CADM1: variants seen among roughly 807,000 people sequenced by gnomAD.
CADM1 encodes the protein TSLC-1.
In CADM1, 15 loss-of-function variants were observed where a neutral mutation model predicts 53.1. The observed-to-expected ratio is 0.28, with a 90% confidence interval of 0.19 to 0.44. The LOEUF is 0.44. CADM1 is among the 20% of genes least tolerant of loss of function. CADM1 has a pLI of 1.00. For synonymous variants in CADM1, 281 were observed against 243.0 expected (o/e 1.16, Z -1.45); for missense variants, 434 against 611.3 (o/e 0.71, Z 3.06).
At chr11:115,316,066 T>C (rs1944659815) in intron 1 of CADM1, among the ~76,000 whole-genome samples, 1 of 152,098 alleles carries the variant, frequency 6.6e-6, no homozygotes, top group Non-Finnish European at 1.5e-5. Flanking sequence ...CCAAATAATT[T>C]GGCCAGCCAT....
At chr11:115,317,082 G>A (rs1048745279) in intron 1 of CADM1, among the ~76,000 whole-genome samples, 2 of 152,092 alleles carry the variant, frequency 1.3e-5, no homozygotes, top group Admixed American at 6.6e-5. Context: ...TTAAGAAGGC[G>A]GAAAAAACGG....
chr11:115,291,737 T>G (rs922229943), intron 1 of CADM1, among the ~76,000 whole-genome samples: 2 of 152,206 alleles, frequency 1.3e-5, no homozygotes, highest in African/African-American at 2.4e-5. Context: ...CACTTGGGCC[T>G]GCAAGAGAAT....
In CADM1 at chr11:115,338,984, C is replaced by T. The variant is rs1364325024; in HGVS notation, c.125-98564G>A. Among the ~76,000 whole-genome samples, 5 of 142,576 alleles carry T rather than the reference C, an allele frequency of 3.5e-5. 1 individual carries two copies. The highest frequency in any genetic ancestry group is 4.1e-4 in the East Asian group (2 of 4,876). The allele number at this position is 142,576 out of a possible 152,430, so 93.5% of individuals were successfully genotyped here. Reference sequence around the variant, plus strand: ...TATGTATACATGTGCCATGCCGGTGCGCTGCACCCACTAACGTGTCATCTA... The same window carrying T: ...TATGTATACATGTGCCATGCCGGTGTGCTGCACCCACTAACGTGTCATCTA... On this transcript the variant is annotated intron_variant, in intron 1 of 11. Transcript: ENST00000331581.
At chr11:115,428,787 GT>G (rs1947965185) in intron 1 of CADM1, among the ~76,000 whole-genome samples, 1 of 152,060 alleles carries the variant, frequency 6.6e-6, no homozygotes, top group Admixed American at 6.6e-5. Flanking sequence ...GTGCGTGTGT[GT>G]GTGTGTGTGT....
intron 1 of CADM1, among the ~76,000 whole-genome samples, chr11:115,473,078 T>G (rs1232345540): frequency 6.6e-6 from 1 of 152,196 alleles, no homozygotes; most frequent in Non-Finnish European, 1.5e-5. Flanking sequence ...GTTTAAGTAT[T>G]AATGCAATCA....
At chr11:115,477,668 G>A (rs1949166086) in intron 1 of CADM1, among the ~76,000 whole-genome samples, 1 of 152,214 alleles carries the variant, frequency 6.6e-6, no homozygotes, top group African/African-American at 2.4e-5. Context: ...CATTGAAAAT[G>A]GCAATAAACG....
At chr11:115,332,099 G>A (rs1219042024) in intron 1 of CADM1, among the ~76,000 whole-genome samples, 1 of 152,154 alleles carries the variant, frequency 6.6e-6, no homozygotes, top group Non-Finnish European at 1.5e-5. Context: ...GAGGAAGTCT[G>A]CAGGGTAAGC....
chr11:115,473,638 C>T (rs1322437376), intron 1 of CADM1, among the ~76,000 whole-genome samples: 3 of 152,004 alleles, frequency 2.0e-5, no homozygotes, highest in African/African-American at 7.2e-5. Context: ...CATTTATAGG[C>T]AGAAAAGACA....
At chr11:115,247,589 T>C (rs1257152322) in intron 1 of CADM1, among the ~76,000 whole-genome samples, 1 of 152,182 alleles carries the variant, frequency 6.6e-6, no homozygotes, top group Non-Finnish European at 1.5e-5. Context: ...AAAATGCACA[T>C]GAAGGGAGAA....
At chr11:115,435,896 T>G (rs2135309135) in intron 1 of CADM1, among the ~76,000 whole-genome samples, 1 of 152,322 alleles carries the variant, frequency 6.6e-6, no homozygotes, top group South Asian at 2.1e-4. Context: ...AAGAAAAAGT[T>G]TGCCAGTATC....
intron 1 of CADM1, among the ~76,000 whole-genome samples, chr11:115,250,051 C>T (rs1262364112): frequency 2.0e-5 from 3 of 152,032 alleles, no homozygotes; most frequent in Admixed American, 6.6e-5. Flanking sequence ...ACTACAGGCG[C>T]CCGCCACCAC....
At chr11:115,412,494 C>T (rs1947484036) in intron 1 of CADM1, among the ~76,000 whole-genome samples, 1 of 152,204 alleles carries the variant, frequency 6.6e-6, no homozygotes, top group East Asian at 1.9e-4. Context: ...CCACTGTGCA[C>T]AGCCCCTGAA....
chr11:115,287,313 A>G (rs1302517421), intron 1 of CADM1: 1 of 152,192 alleles, frequency 6.6e-6, no homozygotes, highest in African/African-American at 2.4e-5. Context: ...CTGTTATTCT[A>G]TTGAAAGGTA....
intron 5 of CADM1, among the ~76,000 whole-genome samples, chr11:115,228,786 A>G (rs1184308086): frequency 6.6e-6 from 1 of 152,110 alleles, no homozygotes; most frequent in African/African-American, 2.4e-5. Flanking sequence ...ATGATGGGAT[A>G]AAAAAAGGGG....
At chr11:115,418,371 T>C (rs1471212366) in intron 1 of CADM1, among the ~76,000 whole-genome samples, 1 of 152,186 alleles carries the variant, frequency 6.6e-6, no homozygotes, top group Non-Finnish European at 1.5e-5. Flanking sequence ...ACAGTCAAGA[T>C]GGCTATATTT....
intron 7 of CADM1, among the ~76,000 whole-genome samples, chr11:115,213,692 T>C (rs1202860405): frequency 1.3e-5 from 2 of 152,224 alleles, no homozygotes; most frequent in Non-Finnish European, 2.9e-5. Flanking sequence ...TACTTATATT[T>C]GGATTATTTA....
At chr11:115,375,120 A>G (rs963675942) in intron 1 of CADM1, among the ~76,000 whole-genome samples, 3 of 152,138 alleles carry the variant, frequency 2.0e-5, no homozygotes, top group African/African-American at 4.8e-5. Context: ...AAAATGATCC[A>G]TGGTTGGGGG....
intron 1 of CADM1, among the ~76,000 whole-genome samples, chr11:115,291,844 A>C (rs1943912948): frequency 6.6e-6 from 1 of 152,254 alleles, no homozygotes; most frequent in South Asian, 2.1e-4. Context: ...GTGACAAAAA[A>C]ATTAAAAATG....
intron 1 of CADM1, among the ~76,000 whole-genome samples, chr11:115,288,378 G>A (rs543711730): frequency 1.9e-3 from 290 of 152,102 alleles, no homozygotes; most frequent in Middle Eastern, 6.8e-3. Flanking sequence ...TTTGTTACTT[G>A]CAGAATTTTA....
Sources: allele counts gnomAD v4.1 joint callset (sites outside exome capture counted in the v4.1 genomes callset), GRCh38; gene constraint gnomAD v4.1.1; transcripts MANE v1.5; gene names NCBI Gene and HGNC (gene_info 2026-07-23, HGNC 2026-07-21).